Variants in NRP1 observed in about 807,000 individuals in gnomAD.
NRP1 encodes neuropilin 1, also known as neuropilin-1.
Under a neutral mutation model 106.7 loss-of-function variants are expected in NRP1, and 35 were observed. The observed-to-expected ratio is 0.33, with a 90% CI of 0.25 to 0.43. NRP1 has a LOEUF of 0.43. Among genes scored for constraint, NRP1 ranks in the 20% least tolerant of loss-of-function variants. The pLI is 1.00. For missense variants in NRP1, 1,024 were observed against 1,170.4 expected (o/e 0.87, Z 1.83); for synonymous variants, 437 against 417.9 (o/e 1.05, Z -0.56).
chr10:33,330,259 G>A (rs1360404931), intron 2 of NRP1, among the ~76,000 whole-genome samples: 1 of 152,024 alleles, frequency 6.6e-6, no homozygotes, highest in Non-Finnish European at 1.5e-5. Context: ...ATCATAAGAT[G>A]TGCCACAGTT....
chr10:33,276,115 T>C (rs1192268733), intron 2 of NRP1, among the ~76,000 whole-genome samples: 1 of 152,242 alleles, frequency 6.6e-6, no homozygotes, highest in Non-Finnish European at 1.5e-5. Context: ...AGTGACATTA[T>C]GTTCCTTATT....
intron 2 of NRP1, among the ~76,000 whole-genome samples, chr10:33,294,829 C>T (rs562190409): frequency 2.0e-5 from 3 of 152,124 alleles, no homozygotes; most frequent in East Asian, 1.9e-4. Flanking sequence ...AGGGGATTAC[C>T]CTAGAAGATC....
At chr10:33,220,900 C>CAAAAAA (rs35895871) in intron 8 of NRP1, among the ~76,000 whole-genome samples, 11 of 60,630 alleles carry the variant, frequency 1.8e-4, no homozygotes, top group Admixed American at 4.1e-4. Context: ...GGCTCAGTCT[C>CAAAAAA]AAAAAAAAAA....
chr10:33,275,741 A>T (rs1843642004), intron 2 of NRP1, among the ~76,000 whole-genome samples: 1 of 47,924 alleles, frequency 2.1e-5, no homozygotes, highest in Non-Finnish European at 5.9e-5. Context: ...CACCTTCTCT[A>T]CAATTTTTTT....
chr10:33,237,481 G>GCA (rs1242914130), intron 6 of NRP1, among the ~76,000 whole-genome samples: 6 of 91,842 alleles, frequency 6.5e-5, no homozygotes, highest in African/African-American at 2.5e-4. Flanking sequence ...AAACACACAT[G>GCA]CGCGCGCACA....
chr10:33,253,318 C>T (rs554089640), intron 6 of NRP1, among the ~76,000 whole-genome samples: 3 of 151,830 alleles, frequency 2.0e-5, no homozygotes, highest in East Asian at 3.9e-4. Flanking sequence ...ATGGGGTCAG[C>T]GGTGGGGATG....
chr10:33,246,500 T>G (rs1257031505), intron 6 of NRP1, among the ~76,000 whole-genome samples: 1 of 152,076 alleles, frequency 6.6e-6, no homozygotes. Context: ...AAAGCTCACC[T>G]TGGGGAATTT....
rs1287438247 is a variant in NRP1, at chr10:33,197,266, A to G, written c.1924+384T>C. On this transcript the variant is annotated intron_variant, in intron 12 of 16. Coordinates refer to ENST00000374867, the MANE Select transcript of NRP1 (RefSeq NM_003873.7). ...ACTCCATGGCAGGCAAAACTGACAA[A>G]CTTTGCCTGCCTGGGTTTTGCAGGA... Among the ~76,000 whole-genome samples the G allele has an allele frequency of 2.0e-5, 3 of 152,158 alleles. No homozygotes were observed. The East Asian group carries it at 5.8e-4, about 29-fold the overall frequency.
At chr10:33,290,388 G>C (rs2052653608) in intron 2 of NRP1, among the ~76,000 whole-genome samples, 2 of 148,648 alleles carry the variant, frequency 1.3e-5, no homozygotes, top group Non-Finnish European at 3.0e-5. Context: ...GGCCACCAAG[G>C]CATGAGGGGA....
rs9299704 is a variant in NRP1 at position 33,188,910 on chromosome 10, A to AATATATATATATATATATAT, written c.2063-2442_2063-2423dup. The stretch of plus-strand genomic sequence containing the variant: ...CCTAGGCAACAGAGACCCTGTCTTA[A>AATATATATATATATATATAT]ATATATATATATATATATATATATA... On this transcript the variant is annotated intron_variant, in intron 13 of 16. Coordinates refer to ENST00000374867, the MANE Select transcript of NRP1 (RefSeq NM_003873.7). Among the ~76,000 whole-genome samples, 429 of 111,248 alleles carry AATATATATATATATATATAT rather than the reference A, an allele frequency of 3.9e-3. 2 individuals are homozygous for AATATATATATATATATATAT. The highest frequency in any genetic ancestry group is 0.012 in the East Asian group (34 of 2,774). 73.0% of individuals were successfully genotyped at this position (111,248 alleles called of 152,430 possible).
At chr10:33,269,928 G>C (rs1255851154) in intron 3 of NRP1, among the ~76,000 whole-genome samples, 3 of 152,136 alleles carry the variant, frequency 2.0e-5, no homozygotes, top group African/African-American at 7.2e-5. Flanking sequence ...TCTACCTTAT[G>C]GTGAGTTGTA....
intron 13 of NRP1, among the ~76,000 whole-genome samples, chr10:33,191,909 C>T (rs953947727): frequency 1.5e-5 from 2 of 132,986 alleles, no homozygotes; most frequent in African/African-American, 2.8e-5. Flanking sequence ...AGCCAGGAGG[C>T]GGAGGTTGCA....
chr10:33,325,684 A>G (rs1847834051), intron 2 of NRP1, among the ~76,000 whole-genome samples: 1 of 152,208 alleles, frequency 6.6e-6, no homozygotes, highest in South Asian at 2.1e-4. Flanking sequence ...AAGGAACAAT[A>G]TCTGAATTAT....
At chr10:33,210,624 C>T (rs747497233) in intron 9 of NRP1, among the ~76,000 whole-genome samples, 38 of 152,170 alleles carry the variant, frequency 2.5e-4, no homozygotes, top group Non-Finnish European at 4.1e-4. Context: ...TTGAGTGTTT[C>T]GACCTTCTCT....
chr10:33,203,066 T>C, intron 10 of NRP1, 71 bp from the exon 11 acceptor site: 1 of 1,483,976 alleles, frequency 6.7e-7, no homozygotes, highest in Non-Finnish European at 9.1e-7. Context: ...CTGTTGGATC[T>C]GCTAACGCTT....
At chr10:33,259,523 G>A (rs1163923285) in intron 4 of NRP1, among the ~76,000 whole-genome samples, 2 of 152,208 alleles carry the variant, frequency 1.3e-5, no homozygotes, top group Middle Eastern at 3.4e-3. Flanking sequence ...ATTGTGGACC[G>A]AAGCGCCGAG....
intron 4 of NRP1, among the ~76,000 whole-genome samples, chr10:33,262,267 C>A (rs1438983270): frequency 1.3e-5 from 2 of 152,162 alleles, no homozygotes; most frequent in Non-Finnish European, 1.5e-5. Flanking sequence ...TATTATCCCC[C>A]TCTGTTCAGA....
rs149456015 is a variant in NRP1, at chr10:33,333,719, T to C, written c.73+591A>G. Among the ~76,000 whole-genome samples, 4 of 152,350 alleles carry C rather than the reference T, an allele frequency of 2.6e-5. No homozygotes were observed. The East Asian group carries it at 7.7e-4, about 29-fold the overall frequency. ...AGCTAAGTGGAAGCTGCAACTAGCT[T>C]AGGGATTTTCAGATATCCTGGTGCC... On this transcript the variant is annotated intron_variant, in intron 1 of 16. Transcript: ENST00000374867.
At chr10:33,263,555 T>A (rs78531989) in intron 4 of NRP1, 91 bp downstream of exon 4, 7 of 897,730 alleles carry the variant, frequency 7.8e-6, no homozygotes, top group African/African-American at 6.7e-5. Flanking sequence ...AGGTTTTTTT[T>A]AATGATTCAT....
Sources: gnomAD v4.1 joint callset for allele counts (sites outside exome capture counted in the v4.1 genomes callset) on GRCh38, gnomAD v4.1.1 for gene constraint, MANE v1.5 for transcripts, NCBI Gene and HGNC (gene_info 2026-07-23, HGNC 2026-07-21) for gene names.